PHLDB2: variants seen among roughly 807,000 people sequenced by gnomAD.
The protein encoded by PHLDB2 is pleckstrin homology like domain family B member 2, also known as pleckstrin homology-like domain family B member 2.
In PHLDB2, 71 loss-of-function variants were observed where a neutral mutation model predicts 123.6. The ratio of observed to expected loss-of-function variants is 0.57; its 90% confidence interval spans 0.47 to 0.70. The LOEUF (loss-of-function observed/expected upper bound fraction) is 0.70. PHLDB2 is among the 30% of genes least tolerant of loss of function. The pLI is 0.00. For synonymous variants in PHLDB2, 547 were observed against 541.6 expected (o/e 1.01, Z -0.14); for missense variants, 1,446 against 1,519.5 (o/e 0.95, Z 0.80).
intron 1 of PHLDB2, among the ~76,000 whole-genome samples, chr3:111,794,171 G>T (rs4293677): frequency 6.6e-6 from 1 of 151,950 alleles, no homozygotes; most frequent in Admixed American, 6.6e-5. Flanking sequence ...CCAGAACCCA[G>T]TCGCTGGGAT....
At chr3:111,735,485 A>G (rs1576477095) in intron 1 of PHLDB2, among the ~76,000 whole-genome samples, 1 of 152,236 alleles carries the variant, frequency 6.6e-6, no homozygotes, top group East Asian at 1.9e-4. Context: ...ATCAAGATAA[A>G]GAAATGCCAT....
At chr3:111,822,889 A>G (rs73855640) in intron 1 of PHLDB2, among the ~76,000 whole-genome samples, 85 of 98,726 alleles carry the variant, frequency 8.6e-4, no homozygotes, top group African/African-American at 6.3e-3. Flanking sequence ...TAGCCCTCGG[A>G]AAAAAAAATA....
chr3:111,845,527 C>T (rs2063937019), intron 1 of PHLDB2, among the ~76,000 whole-genome samples: 1 of 151,958 alleles, frequency 6.6e-6, no homozygotes, highest in Non-Finnish European at 1.5e-5. Context: ...GAAACTGGTT[C>T]CTCTTTTGGT....
Position 111,859,306 on chromosome 3 carries a change from G to A in PHLDB2, c.-285G>A, listed in dbSNP as rs2108640472. 1 of 985,548 alleles carries A rather than the reference G, an allele frequency of 1.0e-6. No homozygotes were observed. The highest frequency in any genetic ancestry group is 1.2e-6 in the Non-Finnish European group (1 of 829,984). The allele number at this position is 985,548 out of a possible 1,614,324, so 61.1% of individuals were successfully genotyped here. A position where few individuals can be genotyped will look rare whatever the true frequency, so the allele number is the denominator to read the frequency against. On this transcript the variant is annotated 5_prime_UTR_variant, in exon 1 of 18. The change creates a new upstream start codon in the 5' untranslated region. Coordinates refer to ENST00000431670, the MANE Select transcript of PHLDB2 (RefSeq NM_001134438.2). ...CGTAGCTTTGAGAAGCTGGCGCCCAGTGATGGGGCAAACAGCCATGCCCTT... is the reference window on the plus strand; with the variant it reads ...CGTAGCTTTGAGAAGCTGGCGCCCAATGATGGGGCAAACAGCCATGCCCTT...
intron 1 of PHLDB2, among the ~76,000 whole-genome samples, chr3:111,820,034 G>C (rs2062294924): frequency 6.6e-6 from 1 of 152,206 alleles, no homozygotes; most frequent in East Asian, 1.9e-4. Flanking sequence ...TTGGATTAAG[G>C]TCAAACCATC....
rs1320034714 is a variant in PHLDB2, at chr3:111,940,549, AT to A, written c.2303del (p.Leu768Ter). 6.2e-7 allele frequency: 1 copy of A among 1,600,084 alleles called. No individual in the cohort carries two copies. Among genetic ancestry groups the A allele is most frequent in the African/African-American group, 1.3e-5 (1 of 74,304 alleles). On this transcript the variant is annotated frameshift_variant, in exon 8 of 18. Coordinates refer to ENST00000431670, the MANE Select transcript of PHLDB2 (RefSeq NM_001134438.2). LOFTEE classifies it high-confidence loss of function. ...TTTTCCTCCAGGAAAAAATTTCTGC[AT>A]TGAAAAAGCAAGCCAATCACATTGT... The part of the protein sequence containing the change: ...IVSRKEKISA[L>X]KKQANHIVQQ...
intron 13 of PHLDB2, 95 bp from the exon 14 acceptor site, chr3:111,966,518 T>G (rs763075547): frequency 0.12 from 71,183 of 595,720 alleles, 4,449 homozygotes; most frequent in Non-Finnish European, 0.14. Flanking sequence ...TGTGTGTGTG[T>G]GTGTCTGGGG....
rs760897714 is a variant in PHLDB2, at chr3:111,952,628, T to G, written c.2688T>G (p.Ser896Arg). 6.2e-7 allele frequency: 1 copy of G among 1,613,946 alleles called. No homozygotes were observed. ...KKQHKEGLYL[S>R]DTLPRKKTTS... ...AGCATAAAGAAGGCCTCTATCTGAG[T>G]GATACTTTGCCTCGAAAGAAAACCA... Residue 896 changes from serine (S) to arginine (R), a missense_variant, in exon 11 of 18, where the codon AGT becomes AGG. By Grantham distance (110) the Ser-to-Arg change is moderately radical (BLOSUM62 -1). Coordinates refer to ENST00000431670, the MANE Select transcript of PHLDB2 (RefSeq NM_001134438.2).
intron 1 of PHLDB2, among the ~76,000 whole-genome samples, chr3:111,798,175 G>A (rs2061239911): frequency 6.6e-6 from 1 of 151,782 alleles, no homozygotes; most frequent in South Asian, 2.1e-4. Flanking sequence ...AATTGTAGAG[G>A]AATAGAAAAC....
intron 1 of PHLDB2, among the ~76,000 whole-genome samples, chr3:111,759,252 C>G (rs1229440940): frequency 6.6e-6 from 1 of 152,036 alleles, no homozygotes; most frequent in East Asian, 1.9e-4. Flanking sequence ...AATTAAGACA[C>G]CAGCAGATTT....
rs199823136 is a variant in PHLDB2, at chr3:111,830,953, A to AAGAGAGAG, written c.-48-14863_-48-14862insGAGAGAGA. Among the ~76,000 whole-genome samples, 418 of 84,646 alleles carry AAGAGAGAG rather than the reference A, an allele frequency of 4.9e-3. 18 individuals are homozygous for AAGAGAGAG. The highest frequency in any genetic ancestry group is 0.027 in the South Asian group (63 of 2,362). 55.5% of individuals were successfully genotyped at this position (84,646 alleles called of 152,430 possible). A position where few individuals can be genotyped will look rare whatever the true frequency, so the allele number is the denominator to read the frequency against. On this transcript the variant is annotated intron_variant, in intron 1 of 17. Coordinates refer to the PHLDB2 transcript ENST00000393923. ...AAGAAAGAAAAGAAGGAAAGAAAGA[A>AAGAGAGAG]AGAGAAAGAAAGAAAGAAAGAAAGA...
chr3:111,820,342 A>T (rs970922151), intron 1 of PHLDB2, among the ~76,000 whole-genome samples: 6 of 152,352 alleles, frequency 3.9e-5, no homozygotes, highest in South Asian at 2.1e-4. Flanking sequence ...AATTGATTTT[A>T]AAAAATACCT....
At chr3:111,870,097 A>AGT (rs1331518466) in intron 1 of PHLDB2, among the ~76,000 whole-genome samples, 1 of 152,296 alleles carries the variant, frequency 6.6e-6, no homozygotes, top group East Asian at 1.9e-4. Context: ...GTGGAGGAAG[A>AGT]GTTTAAAGGA....
At chr3:111,935,651 T>C (rs1277056664) in intron 6 of PHLDB2, among the ~76,000 whole-genome samples, 1 of 152,122 alleles carries the variant, frequency 6.6e-6, no homozygotes, top group African/African-American at 2.4e-5. Context: ...CTGAAGTACT[T>C]GGAGTCCAGT....
At chr3:111,924,839 A>AT (rs1038936693) in intron 5 of PHLDB2, among the ~76,000 whole-genome samples, 3 of 152,034 alleles carry the variant, frequency 2.0e-5, no homozygotes, top group African/African-American at 4.8e-5. Flanking sequence ...TTTGTTTTTT[A>AT]TTTTTTTGGG....
At chr3:111,768,489 G>C (rs4682059) in intron 1 of PHLDB2, among the ~76,000 whole-genome samples, 131,574 of 152,088 alleles carry the variant, frequency 0.87, 57,831 homozygotes, top group East Asian at 1. Context: ...CTGCAGAGGA[G>C]CTCTTTTCTA....
intron 1 of PHLDB2, among the ~76,000 whole-genome samples, chr3:111,772,110 T>C (rs1444330597): frequency 6.6e-6 from 1 of 152,126 alleles, no homozygotes; most frequent in African/African-American, 2.4e-5. Context: ...CTGCAATCAT[T>C]ATGAGAATTT....
intron 11 of PHLDB2, among the ~76,000 whole-genome samples, chr3:111,953,560 A>G (rs942967973): frequency 3.3e-5 from 5 of 152,210 alleles, no homozygotes; most frequent in African/African-American, 4.8e-5. Flanking sequence ...ATTTGTAACA[A>G]GAGTAGCTCT....
At chr3:111,951,808 C>T (rs954859619) in intron 10 of PHLDB2, among the ~76,000 whole-genome samples, 4 of 151,638 alleles carry the variant, frequency 2.6e-5, no homozygotes, top group Admixed American at 6.6e-5. Flanking sequence ...GGTTTGGTTA[C>T]GTGGATAAGT....
Sources: allele counts gnomAD v4.1 joint callset (sites outside exome capture counted in the v4.1 genomes callset), GRCh38; gene constraint gnomAD v4.1.1; transcripts MANE v1.5; gene names NCBI Gene and HGNC (gene_info 2026-07-23, HGNC 2026-07-21).